Variants in IDO1 observed in about 807,000 individuals in gnomAD.
IDO1 encodes the protein indoleamine 2,3-dioxygenase 1.
IDO1 carries 35 observed loss-of-function variants against 38.8 expected under a neutral mutation model. The ratio of observed to expected loss-of-function variants is 0.90; its 90% confidence interval spans 0.69 to 1.20. The LOEUF is 1.20. Among genes scored for constraint, IDO1 ranks in the 50% most tolerant of loss-of-function variants. The pLI, the probability that IDO1 is intolerant of heterozygous loss-of-function variation, is 0.00. For synonymous variants in IDO1, 171 were observed against 170.0 expected, an observed-to-expected ratio of 1.01 and a Z score of -0.05; for missense variants, 509 against 485.1, an observed-to-expected ratio of 1.05 and a Z score of -0.46.
At position 39,925,340 on chromosome 8, in the gene IDO1, C is replaced by T; in HGVS notation, c.825C>T (p.Val275=). 1 of 1,613,034 alleles carries T rather than the reference C, an allele frequency of 6.2e-7. No homozygotes were observed. Among genetic ancestry groups the T allele is most frequent in the Non-Finnish European group, 8.5e-7 (1 of 1,179,556 alleles). Residue 275 remains valine, a synonymous_variant, in exon 9 of 10, where the codon GTC becomes GTT. Coordinates refer to ENST00000518237, the MANE Select transcript of IDO1 (RefSeq NM_002164.6). ...GQSSVFQCFD[V]LLGIQQTAGG... is the part of the protein sequence containing the mutation. Reference sequence around the variant, plus strand: ...GCAGCGTCTTTCAGTGCTTTGACGTCCTGCTGGGCATCCAGCAGACTGCTG... The same window carrying T: ...GCAGCGTCTTTCAGTGCTTTGACGTTCTGCTGGGCATCCAGCAGACTGCTG...
At chr8:39,918,673 G>A in intron 3 of IDO1, 142 bp from the exon 4 acceptor site, 1 of 575,124 alleles carries the variant, frequency 1.7e-6, no homozygotes, top group Non-Finnish European at 3.1e-6. Context: ...TTGAACCTGG[G>A]AGGCAGAGGT....
chr8:39,924,165 A>T (rs1426148694), intron 7 of IDO1, among the ~76,000 whole-genome samples: 1 of 152,102 alleles, frequency 6.6e-6, no homozygotes, highest in Non-Finnish European at 1.5e-5. Flanking sequence ...GTTTTGAGTT[A>T]TTGCTGTTTA....
chr8:39,923,651 T>A, intron 7 of IDO1, 65 bp downstream of exon 7: 1 of 924,502 alleles, frequency 1.1e-6, no homozygotes, highest in Non-Finnish European at 1.7e-6. Context: ...GTAGAATAGT[T>A]GAAAAAAGGG....
intron 5 of IDO1, among the ~76,000 whole-genome samples, 197 bp from the exon 6 acceptor site, chr8:39,922,355 T>A (rs963399224): frequency 6.6e-6 from 1 of 152,162 alleles, no homozygotes; most frequent in African/African-American, 2.4e-5. Flanking sequence ...TTAACCTACT[T>A]ACTATTAATT....
chr8:39,925,443 C>A, intron 9 of IDO1, 72 bp downstream of exon 9: 1 of 1,392,206 alleles, frequency 7.2e-7, no homozygotes, highest in South Asian at 1.5e-5. Context: ...TACAAAGCAC[C>A]TTCCCATCAG....
In IDO1 at chr8:39,925,440, C is replaced by G; in HGVS notation, c.856+69C>G. The G allele has an allele frequency of 2.1e-6, 3 of 1,412,310 alleles. No homozygotes were observed. The South Asian group carries it at 4.3e-5, about 20-fold the overall frequency. The allele number at this position is 1,412,310 out of a possible 1,614,324, so 87.5% of individuals were successfully genotyped here. On this transcript the variant is annotated intron_variant, in intron 9 of 9. Transcript: ENST00000518237. ...CAATAGTATTTGGATATCTACAAAG[C>G]ACCTTCCCATCAGCATCTTATCTGA...
intron 5 of IDO1, among the ~76,000 whole-genome samples, chr8:39,921,355 A>C (rs1376924658): frequency 6.6e-6 from 1 of 152,170 alleles, no homozygotes; most frequent in Non-Finnish European, 1.5e-5. Flanking sequence ...CGGGAGACTG[A>C]AGCAGGAGAA....
Position 39,925,328 on chromosome 8 carries a change from G to C in IDO1, c.813G>C (p.Gln271His), listed in dbSNP as rs769553865. The change falls in exon 9 of 10, where the codon CAG becomes CAC. Residue 271 changes from glutamine to histidine, a missense_variant. Transcript: ENST00000518237. ...GGSAGQSSVFQCFDVLLGIQQ... is the reference protein window; with the variant it reads ...GGSAGQSSVFHCFDVLLGIQQ... The stretch of plus-strand genomic sequence containing the variant: ...GTGCAGGCCAAAGCAGCGTCTTTCA[G>C]TGCTTTGACGTCCTGCTGGGCATCC... The C allele has an allele frequency of 4.3e-6, 7 of 1,613,044 alleles. No homozygotes were observed. Among genetic ancestry groups the C allele is most frequent in the Non-Finnish European group, 5.9e-6 (7 of 1,179,586 alleles).
chr8:39,915,904 G>T (rs1475485057), intron 1 of IDO1, among the ~76,000 whole-genome samples: 2 of 152,152 alleles, frequency 1.3e-5, no homozygotes, highest in African/African-American at 2.4e-5. Context: ...GGTGGCTCAC[G>T]CCTGTAATCC....
chr8:39,918,994 G>A (rs773996192), intron 4 of IDO1, 61 bp downstream of exon 4: 3 of 1,026,846 alleles, frequency 2.9e-6, no homozygotes, highest in South Asian at 1.3e-5. Context: ...ATAAAACAGG[G>A]GTTGTTCATT....
chr8:39,922,873 G>A lies in IDO1; in HGVS notation c.537+222G>A, dbSNP rs999335974. 5.6e-6 allele frequency: 3 copies of A among 531,062 alleles called. No homozygotes were observed. In the African/African-American group the frequency reaches 5.7e-5, roughly 10 times the overall value. The allele number at this position is 531,062 out of a possible 1,614,324, so 32.9% of individuals were successfully genotyped here. The stretch of plus-strand genomic sequence containing the variant: ...AAAATCCAACTTGAAACCTCTGTAG[G>A]AGATAAAAATTTTCAATAAAATCTG... On this transcript the variant is annotated intron_variant, in intron 6 of 9. Transcript: ENST00000518237.
At chr8:39,927,714 A>C in intron 9 of IDO1, 116 bp from the exon 10 acceptor site, 1 of 532,094 alleles carries the variant, frequency 1.9e-6, no homozygotes, top group Non-Finnish European at 3.3e-6. Context: ...AATGACCTTG[A>C]CCTCAGTGAA....
In IDO1 at chr8:39,927,958, C is replaced by CG. The variant is rs1168429203; in HGVS notation, c.988dup (p.Glu330GlyfsTer4). 1 of 1,604,632 alleles carries CG rather than the reference C, an allele frequency of 6.2e-7. No individual in the cohort carries two copies. ...CCTTTCAAAAGGTGATGCTGGCCTG[C>CG]GGGAAGCTTATGACGCCTGTGTGAA... On this transcript the variant is annotated frameshift_variant, in exon 10 of 10. Transcript: ENST00000518237. LOFTEE classifies it low-confidence loss of function (END_TRUNC).
At position 39,918,990 on chromosome 8, in the gene IDO1, CAG is replaced by C. The variant is rs749389501; in HGVS notation, c.422+58_422+59del. On this transcript the variant is annotated intron_variant, in intron 4 of 9. Coordinates refer to ENST00000518237, the MANE Select transcript of IDO1 (RefSeq NM_002164.6). Reference sequence around the variant, plus strand: ...TGGAGTGTGTGCCGATTAAATAAAACAGGGGTTGTTCATTGGCTTAATTTTGG... The same window carrying C: ...TGGAGTGTGTGCCGATTAAATAAAACGGGTTGTTCATTGGCTTAATTTTGG... 1.5e-4 allele frequency: 154 copies of C among 1,053,172 alleles called. 2 individuals are homozygous for C. The highest frequency in any genetic ancestry group is 4.9e-4 in the South Asian group (39 of 79,890). The allele number at this position is 1,053,172 out of a possible 1,614,324, so 65.2% of individuals were successfully genotyped here.
Position 39,925,513 on chromosome 8 carries a change from C to T in IDO1, c.856+142C>T, listed in dbSNP as rs1206690526. ...AATCAGGCAAGTAGGGATTTGGTTGCCATGATCCCATTTTAAAAATGAAGA... is the reference window on the plus strand; with the variant it reads ...AATCAGGCAAGTAGGGATTTGGTTGTCATGATCCCATTTTAAAAATGAAGA... On this transcript the variant is annotated intron_variant, in intron 9 of 9. Transcript: ENST00000518237. 22 of 806,756 alleles carry T rather than the reference C, an allele frequency of 2.7e-5. No homozygotes were observed. In the Admixed American group the frequency reaches 7.2e-4, roughly 26 times the overall value. The allele number at this position is 806,756 out of a possible 1,614,324, so 50.0% of individuals were successfully genotyped here.
intron 9 of IDO1, among the ~76,000 whole-genome samples, chr8:39,927,280 G>T (rs923870372): frequency 6.6e-6 from 1 of 152,148 alleles, no homozygotes; most frequent in Admixed American, 6.5e-5. Context: ...GCAAACAAAG[G>T]CCAGGCGCGG....
chr8:39,918,839 C>G lies in IDO1; in HGVS notation c.328C>G (p.Pro110Ala), dbSNP rs775369606. The G allele has an allele frequency of 6.2e-7, 1 of 1,610,040 alleles. No individual in the cohort carries two copies. Among genetic ancestry groups the G allele is most frequent in the African/African-American group, 1.3e-5 (1 of 74,600 alleles). Residue 110 changes from proline (P) to alanine (A), a missense_variant, in exon 4 of 10, where the codon CCT becomes GCT. By Grantham distance (27) the Pro-to-Ala change is conservative. Transcript: ENST00000518237. ...GGTCTTGCCAAGAAATATTGCTGTTCCTTACTGCCAACTCTCCAAGAAACT... is the reference window on the plus strand; with the variant it reads ...GGTCTTGCCAAGAAATATTGCTGTTGCTTACTGCCAACTCTCCAAGAAACT... The part of the protein sequence containing the change: ...RKVLPRNIAV[P>A]YCQLSKKLEL...
chr8:39,918,129 A>G lies in IDO1; in HGVS notation c.225A>G (p.Ser75=), dbSNP rs1807206161. 1.9e-6 allele frequency: 3 copies of G among 1,613,992 alleles called. No homozygotes were observed. The highest frequency in any genetic ancestry group is 8.5e-7 in the Non-Finnish European group (1 of 1,179,862). The stretch of plus-strand genomic sequence containing the variant: ...TTGATCATCTCACAGACCACAAGTC[A>G]CAGCGCCTTGCACGTCTAGTTCTGG... ...LSIDHLTDHK[S]QRLARLVLGC... The change falls in exon 3 of 10, where the codon TCA becomes TCG. Residue 75 remains serine (S), a synonymous_variant. Transcript: ENST00000518237.
In IDO1 at chr8:39,927,821, T is replaced by C. The variant is rs760990898; in HGVS notation, c.857-9T>C. Reference sequence around the variant, plus strand: ...ACCTCCGTATTTCCTCTTTCTCTTTTTCCTATAGGACATGCTGCTCAGTTC... The same window carrying C: ...ACCTCCGTATTTCCTCTTTCTCTTTCTCCTATAGGACATGCTGCTCAGTTC... On this transcript the variant is annotated splice_polypyrimidine_tract_variant and intron_variant, in intron 9 of 9. Coordinates refer to ENST00000518237, the MANE Select transcript of IDO1 (RefSeq NM_002164.6). 1 of 1,487,266 alleles carries C rather than the reference T, an allele frequency of 6.7e-7. No homozygotes were observed. Among genetic ancestry groups the C allele is most frequent in the South Asian group, 1.4e-5 (1 of 69,906 alleles). The allele number at this position is 1,487,266 out of a possible 1,614,324, so 92.1% of individuals were successfully genotyped here. A position where few individuals can be genotyped will look rare whatever the true frequency, so the allele number is the denominator to read the frequency against.
Sources: allele counts gnomAD v4.1 joint callset (sites outside exome capture counted in the v4.1 genomes callset), GRCh38; gene constraint gnomAD v4.1.1; transcripts MANE v1.5; gene names NCBI Gene and HGNC (gene_info 2026-07-23, HGNC 2026-07-21).